ABCB4: variants seen among roughly 807,000 people sequenced by gnomAD.
The protein encoded by ABCB4 is ATP binding cassette subfamily B member 4.
A neutral mutation model predicts 145.7 loss-of-function variants in ABCB4; 76 were observed. The observed-to-expected ratio is 0.52, with a 90% CI of 0.43 to 0.63. The LOEUF is 0.63. Among genes scored for constraint, ABCB4 ranks in the 30% least tolerant of loss-of-function variants. ABCB4 has a pLI of 0.00. For missense variants in ABCB4, 1,234 were observed against 1,553.1 expected (o/e 0.79, Z 3.45); for synonymous variants, 517 against 566.8 (o/e 0.91, Z 1.25).
chr7:87,398,366 T>C (rs202100780), downstream of ABCB4: 10 of 851,612 alleles, frequency 1.2e-5, no homozygotes, highest in South Asian at 7.0e-5. Flanking sequence ...TCTACAGATA[T>C]GGCTTTACCT....
rs900557562 is a variant in ABCB4, at chr7:87,443,572, C to T, written c.1230+91G>A. 27 of 1,522,916 alleles carry T rather than the reference C, an allele frequency of 1.8e-5. No individual in the cohort carries two copies. In the Middle Eastern group the frequency reaches 8.5e-4, roughly 48 times the overall value. 94.3% of individuals were successfully genotyped at this position (1,522,916 alleles called of 1,614,324 possible). A position where few individuals can be genotyped will look rare whatever the true frequency, so the allele number is the denominator to read the frequency against. On this transcript the variant is annotated intron_variant, in intron 11 of 27. Coordinates refer to ENST00000649586, the MANE Select transcript of ABCB4 (RefSeq NM_000443.4). ...AATATAACCCCCAAAGGAAAAGGCA[C>T]ATAAGTATCAAAATAATAGAGACTT...
chr7:87,427,835 A>T (rs943360293), intron 15 of ABCB4, among the ~76,000 whole-genome samples: 1 of 152,078 alleles, frequency 6.6e-6, no homozygotes, highest in Non-Finnish European at 1.5e-5. Context: ...CATTGCAGTG[A>T]TATGTTCTGC....
At chr7:87,432,768 T>C (rs1408868051) in intron 14 of ABCB4, among the ~76,000 whole-genome samples, 2 of 152,128 alleles carry the variant, frequency 1.3e-5, no homozygotes, top group Non-Finnish European at 2.9e-5. Context: ...GTGGTGAAAA[T>C]GTTCTGGAAT....
chr7:87,418,481 T>G, intron 20 of ABCB4, 56 bp downstream of exon 20: 1 of 1,512,406 alleles, frequency 6.6e-7, no homozygotes. Flanking sequence ...GTATGCTACA[T>G]GCTTATCTAA....
rs1431338031 is a variant in ABCB4 at position 87,433,670 on chromosome 7, TTGTTG to T, written c.1732-2110_1732-2106del. 9.5e-3 allele frequency among the ~76,000 whole-genome samples: 1,218 copies of T among 128,818 alleles called. 45 individuals are homozygous for T. Among genetic ancestry groups the T allele is most frequent in the African/African-American group, 0.043 (1,142 of 26,424 alleles). 84.5% of individuals were successfully genotyped at this position (128,818 alleles called of 152,430 possible). A position where few individuals can be genotyped will look rare whatever the true frequency, so the allele number is the denominator to read the frequency against. On this transcript the variant is annotated intron_variant, in intron 14 of 27. Coordinates refer to ENST00000649586, the MANE Select transcript of ABCB4 (RefSeq NM_000443.4). ...AGTAGAGCTTTGACACAAAAAATTG[TTGTTG>T]TTTTTTTTTTTTTTTTTTTCAGAGC...
the ABCB4 span, among the ~76,000 whole-genome samples, chr7:87,393,881 A>G: frequency 6.6e-6 from 1 of 152,178 alleles, no homozygotes; most frequent in East Asian, 1.9e-4. Flanking sequence ...TAAATGAGAA[A>G]ATTTTTTGGA....
At chr7:87,413,797 A>G (rs1336334011) in intron 21 of ABCB4, 80 bp from the exon 22 acceptor site, 4 of 963,044 alleles carry the variant, frequency 4.2e-6, no homozygotes, top group South Asian at 2.6e-5. Context: ...GGGCTCTGTC[A>G]AAAGTATCCT....
the ABCB4 span, among the ~76,000 whole-genome samples, chr7:87,368,529 A>G: frequency 2.0e-5 from 3 of 152,154 alleles, no homozygotes; most frequent in African/African-American, 7.2e-5. Flanking sequence ...TAAGAGAAAA[A>G]AGAGTATTTT....
At chr7:87,372,534 A>G in the ABCB4 span, among the ~76,000 whole-genome samples, 1 of 152,238 alleles carries the variant, frequency 6.6e-6, no homozygotes, top group African/African-American at 2.4e-5. Flanking sequence ...TTTTGCTTGG[A>G]TAGCAGAATT....
At chr7:87,377,526 C>T in the ABCB4 span, 3 of 862,006 alleles carry the variant, frequency 3.5e-6, no homozygotes, top group South Asian at 1.5e-5. Context: ...AATACTTGTG[C>T]TGGGGAACAG....
At chr7:87,429,625 A>G (rs1810064450) in intron 15 of ABCB4, among the ~76,000 whole-genome samples, 1 of 152,160 alleles carries the variant, frequency 6.6e-6, no homozygotes, top group East Asian at 1.9e-4. Flanking sequence ...AAAATCACAG[A>G]CCCTTGGTAA....
chr7:87,425,980 CTAAG>C (rs897606117), intron 16 of ABCB4, among the ~76,000 whole-genome samples: 9 of 151,924 alleles, frequency 5.9e-5, no homozygotes, highest in Non-Finnish European at 1.3e-4. Flanking sequence ...TCCTCTTTTT[CTAAG>C]TAAGAGAATT....
chr7:87,446,346 T>C (rs555635300), intron 9 of ABCB4, among the ~76,000 whole-genome samples: 1 of 152,300 alleles, frequency 6.6e-6, no homozygotes, highest in African/African-American at 2.4e-5. Flanking sequence ...CACAAAATAT[T>C]GGTAGTTCAT....
chr7:87,382,187 T>C, the ABCB4 span: 2 of 1,583,522 alleles, frequency 1.3e-6, no homozygotes, highest in South Asian at 1.2e-5. Flanking sequence ...GGGAGGTATA[T>C]TTTTCACTTT....
intron 1 of ABCB4, 31 bp from the exon 2 acceptor site, chr7:87,475,502 T>C (rs1434131660): frequency 2.5e-6 from 4 of 1,611,080 alleles, no homozygotes; most frequent in Admixed American, 1.7e-5. Context: ...CAGAACCAAG[T>C]ACACCCTCTC....
rs774151533 is a variant in ABCB4, at chr7:87,408,179, C to T, written c.3137G>A (p.Arg1046Gln). 2.0e-5 allele frequency: 33 copies of T among 1,614,044 alleles called. No homozygotes were observed. Among genetic ancestry groups the T allele is most frequent in the African/African-American group, 6.7e-5 (5 of 74,930 alleles). ...FNEVVFNYPTRANVPVLQGLS... is the reference protein window; with the variant it reads ...FNEVVFNYPTQANVPVLQGLS... Reference sequence around the variant, plus strand: ...CCCCTGAAGCACTGGCACGTTTGCTCGGGTGGGATAGTTGAACACGACTTC... The same window carrying T: ...CCCCTGAAGCACTGGCACGTTTGCTTGGGTGGGATAGTTGAACACGACTTC... Residue 1046 changes from arginine to glutamine, a missense_variant, in exon 25 of 28, where the codon CGA becomes CAA. Physicochemically the swap from Arg to Gln is conservative, Grantham distance 43. This residue lies in a region of ABCB4 where 301 missense variants were observed against 389.0 expected (regional missense o/e 0.77). Coordinates refer to ENST00000649586, the MANE Select transcript of ABCB4 (RefSeq NM_000443.4).
At position 87,429,914 on chromosome 7, in the gene ABCB4, T is replaced by TA. The variant is rs58654815; in HGVS notation, c.1893+1489dup. ...AATTTGTGTCAGGTCTTTTTTTTTT[T>TA]AAAAAAAAAAAAAGAAAAACAGCTT... is the stretch of plus-strand genomic sequence containing the variant. On this transcript the variant is annotated intron_variant, in intron 15 of 27. Coordinates refer to ENST00000649586, the MANE Select transcript of ABCB4 (RefSeq NM_000443.4). Among the ~76,000 whole-genome samples, 809 of 139,144 alleles carry TA rather than the reference T, an allele frequency of 5.8e-3. 2 individuals are homozygous for TA. The highest frequency in any genetic ancestry group is 0.011 in the Middle Eastern group (3 of 274). 91.3% of individuals were successfully genotyped at this position (139,144 alleles called of 152,430 possible).
chr7:87,443,569 G>T (rs1438621386), intron 11 of ABCB4, 94 bp downstream of exon 11: 8 of 1,520,408 alleles, frequency 5.3e-6, no homozygotes, highest in Non-Finnish European at 7.3e-6. Context: ...AAAGGAAAAG[G>T]CACATAAGTA....
rs1287521844 is a variant in ABCB4, at chr7:87,440,213, T to C, written c.1546A>G (p.Met516Val). Residue 516 changes from methionine (M) to valine (V), a missense_variant, in exon 13 of 28, where the codon ATG becomes GTG. Physicochemically the swap from Met to Val is conservative, Grantham distance 21 (BLOSUM62 1). This residue lies in a region of ABCB4 where 467 missense variants were observed against 632.8 expected (regional missense o/e 0.74). Transcript: ENST00000649586. ...AGAGGCTTTACCTGTGGTAATTTCA[T>C]GATAAACTCATAGGCGTTGGCCTCT... ...VKEANAYEFI[M>V]KLPQKFDTLV... is the part of the protein sequence containing the mutation. The C allele has an allele frequency of 6.2e-7, 1 of 1,614,130 alleles. No individual in the cohort carries two copies. Among genetic ancestry groups the C allele is most frequent in the East Asian group, 2.2e-5 (1 of 44,862 alleles).
Sources: allele counts gnomAD v4.1 joint callset (sites outside exome capture counted in the v4.1 genomes callset), GRCh38; gene constraint gnomAD v4.1.1; regional missense constraint gnomAD v4.1.1; transcripts MANE v1.5; gene names NCBI Gene and HGNC (gene_info 2026-07-23, HGNC 2026-07-21).